EEPD1: variants seen among roughly 807,000 people sequenced by gnomAD.
EEPD1 encodes endonuclease/exonuclease/phosphatase family domain-containing protein 1.
EEPD1 carries 17 observed loss-of-function variants against 46.3 expected under a neutral mutation model. That is an observed-to-expected ratio of 0.37 (90% CI 0.25 to 0.55). The LOEUF is 0.55. Among genes scored for constraint, EEPD1 ranks in the 20% least tolerant of loss-of-function variants. The probability of loss-of-function intolerance (pLI) is 0.83; values close to 1 mark genes in which losing one functional copy is unlikely to be tolerated. For synonymous variants in EEPD1, 313 were observed against 315.6 expected (o/e 0.99, Z 0.09); for missense variants, 673 against 745.6 (o/e 0.90, Z 1.13).
chr7:36,284,584 A>G, intron 4 of EEPD1, 102 bp from the exon 5 acceptor site: 1 of 1,429,162 alleles, frequency 7.0e-7, no homozygotes, highest in Non-Finnish European at 9.4e-7. Flanking sequence ...CTTGAGCCAG[A>G]GTAGGGCCTA....
intron 3 of EEPD1, among the ~76,000 whole-genome samples, chr7:36,262,905 C>T (rs1020398163): frequency 6.6e-6 from 1 of 152,168 alleles, no homozygotes; most frequent in African/African-American, 2.4e-5. Context: ...GACAGTTTTA[C>T]AACCGCCTGA....
intron 2 of EEPD1, among the ~76,000 whole-genome samples, chr7:36,186,208 T>C (rs2052262): frequency 0.87 from 132,785 of 152,036 alleles, 59,209 homozygotes; most frequent in Non-Finnish European, 0.96. Flanking sequence ...GCCCACTCTC[T>C]GCTGGGTAGT....
intron 3 of EEPD1, among the ~76,000 whole-genome samples, chr7:36,276,493 G>A (rs957494521): frequency 1.3e-5 from 2 of 152,186 alleles, no homozygotes; most frequent in Non-Finnish European, 2.9e-5. Flanking sequence ...GTGCCATAGT[G>A]TGACGGGCTC....
At chr7:36,234,827 C>T (rs1236725438) in intron 2 of EEPD1, among the ~76,000 whole-genome samples, 1 of 152,020 alleles carries the variant, frequency 6.6e-6, no homozygotes, top group Non-Finnish European at 1.5e-5. Context: ...TGTCGTCACA[C>T]CATCCATAGC....
chr7:36,187,015 G>GT (rs1228747658), intron 2 of EEPD1, among the ~76,000 whole-genome samples: 8 of 151,806 alleles, frequency 5.3e-5, no homozygotes, highest in Non-Finnish European at 7.4e-5. Flanking sequence ...TCTGTAAGCT[G>GT]TGGAGGAACA....
chr7:36,184,969 G>A lies in EEPD1; in HGVS notation c.878+29767G>A, dbSNP rs542293902. Among the ~76,000 whole-genome samples, 145 of 152,278 alleles carry A rather than the reference G, an allele frequency of 9.5e-4. 1 individual carries two copies. Among genetic ancestry groups the A allele is most frequent in the Non-Finnish European group, 1.7e-3 (119 of 68,020 alleles). On this transcript the variant is annotated intron_variant, in intron 2 of 7. Transcript: ENST00000242108. ...TGGTCTTGAACTCCTGACCTCAAGCGATCTGCCTGCCTGGGCCTTCCAAAG... is the reference window on the plus strand; with the variant it reads ...TGGTCTTGAACTCCTGACCTCAAGCAATCTGCCTGCCTGGGCCTTCCAAAG...
intron 2 of EEPD1, among the ~76,000 whole-genome samples, chr7:36,201,588 G>T (rs1185049865): frequency 2.0e-5 from 3 of 152,146 alleles, no homozygotes; most frequent in Non-Finnish European, 4.4e-5. Context: ...TGGTGTTACT[G>T]CAAGGATAAA....
chr7:36,154,086 A>C lies in EEPD1; in HGVS notation c.-192-47A>C. 2 of 572,172 alleles carry C rather than the reference A, an allele frequency of 3.5e-6. No homozygotes were observed. The highest frequency in any genetic ancestry group is 6.1e-6 in the Non-Finnish European group (2 of 326,572). 35.4% of individuals were successfully genotyped at this position (572,172 alleles called of 1,614,324 possible). ...GCACTAGGTAGGGGGTGCTAATGCA[A>C]ATTTCTTAATTCAATGGGTTTCTAT... is the stretch of plus-strand genomic sequence containing the variant. On this transcript the variant is annotated intron_variant, in intron 1 of 7. Transcript: ENST00000242108. This position sits in a 1 kb window ranked among gnomAD's most constrained non-coding sequence, Gnocchi z 4.2.
In EEPD1 at chr7:36,281,178, T is replaced by A; in HGVS notation, c.994T>A (p.Cys332Ser). The change falls in exon 4 of 8, where the codon TGC becomes AGC. Residue 332 changes from cysteine (C) to serine (S), a missense_variant. Cys to Ser is a moderately radical substitution (Grantham distance 112). Transcript: ENST00000242108. Reference sequence around the variant, plus strand: ...CCGCAAGTGGAAGGGGCCCCGGGGATGCTGGAAGGCTGTTGTTGCTGAGAA... The same window carrying A: ...CCGCAAGTGGAAGGGGCCCCGGGGAAGCTGGAAGGCTGTTGTTGCTGAGAA... Reference protein sequence around the residue: ...NIRKWKGPRGCWKAVVAEKPS... With the variant: ...NIRKWKGPRGSWKAVVAEKPS... 12 of 1,614,202 alleles carry A rather than the reference T, an allele frequency of 7.4e-6. No individual in the cohort carries two copies. Among genetic ancestry groups the A allele is most frequent in the Non-Finnish European group, 1.0e-5 (12 of 1,180,048 alleles).
At chr7:36,276,702 CT>C (rs1787186471) in intron 3 of EEPD1, among the ~76,000 whole-genome samples, 1 of 152,254 alleles carries the variant, frequency 6.6e-6, no homozygotes. Flanking sequence ...GCTTCTCAAA[CT>C]GTACTTTAGA....
rs56053727 is a variant in EEPD1, at chr7:36,196,373, G to C, written c.878+41171G>C. Among the ~76,000 whole-genome samples, 1,144 of 151,644 alleles carry C rather than the reference G, an allele frequency of 7.5e-3. 7 individuals carry two copies. The highest frequency in any genetic ancestry group is 0.012 in the Non-Finnish European group (839 of 67,938). Reference sequence around the variant, plus strand: ...CTAGGCAATAGAAATCTTTCAGCTCGTCTCCCGTCTCCCTCTCCCATCTCC... The same window carrying C: ...CTAGGCAATAGAAATCTTTCAGCTCCTCTCCCGTCTCCCTCTCCCATCTCC... On this transcript the variant is annotated intron_variant, in intron 2 of 7. Coordinates refer to ENST00000242108, the MANE Select transcript of EEPD1 (RefSeq NM_030636.3).
intron 2 of EEPD1, among the ~76,000 whole-genome samples, chr7:36,198,359 G>GAAAAAAAAAAAAAAAAAAAAAAAAAAAAA (rs1381831424): frequency 7.6e-5 from 3 of 39,650 alleles, no homozygotes; most frequent in East Asian, 7.5e-4. Flanking sequence ...AAAAAAAAAA[G>GAAAAAAAAAAAAAAAAAAAAAAAAAAAAA]AAAGATATTT....
chr7:36,236,297 GGCGCGGGCGGAAGCGGC>G (rs1163067096), intron 2 of EEPD1, among the ~76,000 whole-genome samples: 3 of 152,216 alleles, frequency 2.0e-5, no homozygotes, highest in Non-Finnish European at 4.4e-5. Flanking sequence ...TGAAGAGAGA[GGCGCGGGCGGAAGCGGC>G]GCTGGCGGGC....
At chr7:36,177,201 G>T (rs1785196252) in intron 2 of EEPD1, among the ~76,000 whole-genome samples, 1 of 151,322 alleles carries the variant, frequency 6.6e-6, no homozygotes, top group Admixed American at 6.6e-5. Context: ...CAATAACAGA[G>T]TTATTGCTGT....
intron 2 of EEPD1, among the ~76,000 whole-genome samples, chr7:36,219,874 T>TA (rs964286247): frequency 2.0e-5 from 3 of 148,904 alleles, no homozygotes; most frequent in African/African-American, 7.4e-5. Context: ...CATAAAGAGA[T>TA]ATATAAAACA....
At chr7:36,289,154 G>T (rs991286100) in intron 6 of EEPD1, among the ~76,000 whole-genome samples, 7 of 152,100 alleles carry the variant, frequency 4.6e-5, no homozygotes, top group South Asian at 2.1e-4. Context: ...TAACAAAAAA[G>T]ATTTTTTACT....
chr7:36,277,393 G>A (rs1364357667), intron 3 of EEPD1, among the ~76,000 whole-genome samples: 1 of 152,254 alleles, frequency 6.6e-6, no homozygotes, highest in Middle Eastern at 3.2e-3. Context: ...AATGGCATCT[G>A]CCTTGGTACA....
At chr7:36,194,766 G>T (rs1456994753) in intron 2 of EEPD1, among the ~76,000 whole-genome samples, 1 of 152,132 alleles carries the variant, frequency 6.6e-6, no homozygotes, top group Non-Finnish European at 1.5e-5. Flanking sequence ...GTTCTTCATT[G>T]GGCCTCCACA....
chr7:36,265,697 G>GT (rs1787003987), intron 3 of EEPD1, among the ~76,000 whole-genome samples: 1 of 151,954 alleles, frequency 6.6e-6, no homozygotes, highest in Non-Finnish European at 1.5e-5. Context: ...CAGTTTTCTT[G>GT]TTGGGTGGTT....
Sources: gnomAD v4.1 joint callset for allele counts (sites outside exome capture counted in the v4.1 genomes callset) on GRCh38, gnomAD v4.1.1 for gene constraint, Gnocchi (gnomAD v3.1) non-coding constraint, MANE v1.5 for transcripts, NCBI Gene and HGNC (gene_info 2026-07-23, HGNC 2026-07-21) for gene names.